Variants in PTGFRN observed in about 807,000 individuals in gnomAD.
PTGFRN encodes prostaglandin F2 receptor negative regulator.
In PTGFRN, 35 loss-of-function variants were observed where a neutral mutation model predicts 83.2. That is an observed-to-expected ratio of 0.42 (90% CI 0.32 to 0.56). The LOEUF (loss-of-function observed/expected upper bound fraction) is 0.56, where lower values mean the gene tolerates loss of function less well. Among genes scored for constraint, PTGFRN ranks in the 20% least tolerant of loss-of-function variants. The probability of loss-of-function intolerance (pLI) is 0.11; values close to 1 mark genes in which losing one functional copy is unlikely to be tolerated. For synonymous variants in PTGFRN, 519 were observed against 498.6 expected, an observed-to-expected ratio of 1.04 and a Z score of -0.55; for missense variants, 1,051 against 1,179.5, an observed-to-expected ratio of 0.89 and a Z score of 1.60.
At chr1:116,956,179 G>A (rs1003755290) in intron 4 of PTGFRN, among the ~76,000 whole-genome samples, 1 of 152,220 alleles carries the variant, frequency 6.6e-6, no homozygotes, top group Non-Finnish European at 1.5e-5. Flanking sequence ...CTAAAGTTGA[G>A]CTACAAGGCT....
At chr1:116,928,071 C>G (rs899383799) in intron 1 of PTGFRN, among the ~76,000 whole-genome samples, 1 of 152,204 alleles carries the variant, frequency 6.6e-6, no homozygotes, top group Non-Finnish European at 1.5e-5. Flanking sequence ...ACCCTTCTTA[C>G]CCCCTGTGGC....
rs1650291316 is a variant in PTGFRN, at chr1:116,949,707, C to T, written c.1213+135C>T. 3.2e-6 allele frequency: 4 copies of T among 1,265,944 alleles called. No homozygotes were observed. In the South Asian group the frequency reaches 4.8e-5, roughly 15 times the overall value. 78.4% of individuals were successfully genotyped at this position (1,265,944 alleles called of 1,614,324 possible). The stretch of plus-strand genomic sequence containing the variant: ...TTCTATTGGTTCATGCATACTTTGG[C>T]CCAGATAGATCCCAAGCTGGGGATG... On this transcript the variant is annotated intron_variant, in intron 4 of 8. Coordinates refer to ENST00000393203, the MANE Select transcript of PTGFRN (RefSeq NM_020440.4).
In PTGFRN at chr1:116,987,188, G is replaced by T; in HGVS notation, c.*221G>T. On this transcript the variant is annotated 3_prime_UTR_variant, in exon 9 of 9. Transcript: ENST00000393203. ...CACGGCACTTTCTGATGTAACAATCGAGTGTGTGTTTTCCCAACTGCAGCT... is the reference window on the plus strand; with the variant it reads ...CACGGCACTTTCTGATGTAACAATCTAGTGTGTGTTTTCCCAACTGCAGCT... 1.9e-6 allele frequency: 1 copy of T among 515,500 alleles called. No homozygotes were observed. The highest frequency in any genetic ancestry group is 1.9e-5 in the African/African-American group (1 of 52,314). The allele number at this position is 515,500 out of a possible 1,614,324, so 31.9% of individuals were successfully genotyped here. A position where few individuals can be genotyped will look rare whatever the true frequency, so the allele number is the denominator to read the frequency against.
chr1:116,947,356 C>T (rs1466742810), intron 3 of PTGFRN, among the ~76,000 whole-genome samples: 1 of 152,212 alleles, frequency 6.6e-6, no homozygotes, highest in East Asian at 1.9e-4. Flanking sequence ...AGAGAACCTG[C>T]CCCACCACAG....
intron 1 of PTGFRN, among the ~76,000 whole-genome samples, chr1:116,919,436 C>T (rs1649486773): frequency 6.6e-6 from 1 of 152,100 alleles, no homozygotes; most frequent in Non-Finnish European, 1.5e-5. Flanking sequence ...GGGTCTCTGT[C>T]ACCCAGGCTG....
At chr1:116,931,887 G>A (rs1232116425) in intron 1 of PTGFRN, among the ~76,000 whole-genome samples, 1 of 152,100 alleles carries the variant, frequency 6.6e-6, no homozygotes, top group African/African-American at 2.4e-5. Flanking sequence ...TCGGGAAGTG[G>A]GAATTAGGCA....
rs377137398 is a variant in PTGFRN, at chr1:116,984,508, A to G, written c.2168-172A>G. Among the ~76,000 whole-genome samples the G allele has an allele frequency of 6.2e-4, 95 of 152,332 alleles. 3 individuals carry two copies. In the South Asian group the frequency reaches 0.019, roughly 31 times the overall value. On this transcript the variant is annotated intron_variant, in intron 7 of 8. Transcript: ENST00000393203. ...TATATAGTCTGGCAATAATGGCAGA[A>G]TAAAAGTATGATAGTGCCTTCATCA...
At chr1:116,965,823 G>A (rs554723290) in intron 5 of PTGFRN, among the ~76,000 whole-genome samples, 11 of 152,042 alleles carry the variant, frequency 7.2e-5, no homozygotes, top group Non-Finnish European at 1.5e-4. Flanking sequence ...TTTGTTCACC[G>A]TTATGTTTCC....
At chr1:116,910,621 G>A (rs1361751347) in intron 1 of PTGFRN, among the ~76,000 whole-genome samples, 2 of 151,988 alleles carry the variant, frequency 1.3e-5, no homozygotes, top group Non-Finnish European at 2.9e-5. Flanking sequence ...TGCGGTCCCG[G>A]CCCGGGTCCT....
chr1:116,985,917 A>G (rs1226083829), intron 8 of PTGFRN, among the ~76,000 whole-genome samples: 1 of 152,200 alleles, frequency 6.6e-6, no homozygotes, highest in Non-Finnish European at 1.5e-5. Context: ...TCCTTTGTGG[A>G]AAATTTCAGA....
At chr1:116,954,930 C>T (rs1174721422) in intron 4 of PTGFRN, among the ~76,000 whole-genome samples, 2 of 151,980 alleles carry the variant, frequency 1.3e-5, no homozygotes, top group Non-Finnish European at 2.9e-5. Flanking sequence ...GATAAATGCT[C>T]GTTGTTTAGC....
At position 116,961,374 on chromosome 1, in the gene PTGFRN, T is replaced by C. The variant is rs1451160270; in HGVS notation, c.1345T>C (p.Tyr449His). 6.2e-7 allele frequency: 1 copy of C among 1,610,146 alleles called. No homozygotes were observed. Among genetic ancestry groups the C allele is most frequent in the East Asian group, 2.2e-5 (1 of 44,802 alleles). Residue 449 changes from tyrosine (Y) to histidine (H), a missense_variant, in exon 5 of 9, where the codon TAC becomes CAC. Tyr to His is a moderately conservative substitution (Grantham distance 83). Transcript: ENST00000393203. This position sits in a 1 kb window ranked among gnomAD's most constrained non-coding sequence, Gnocchi z 5.4. ...ANVRFTVSWY[Y>H]RMNRRSDNVV... Reference sequence around the variant, plus strand: ...TGTCCGATTCACGGTTTCGTGGTACTACAGGATGAACCGGCGCAGCGACAA... The same window carrying C: ...TGTCCGATTCACGGTTTCGTGGTACCACAGGATGAACCGGCGCAGCGACAA...
chr1:116,961,222 G>T lies in PTGFRN; in HGVS notation c.1214-21G>T. 4.0e-6 allele frequency: 6 copies of T among 1,497,526 alleles called. No homozygotes were observed. The highest frequency in any genetic ancestry group is 5.3e-6 in the Non-Finnish European group (6 of 1,123,876). 92.8% of individuals were successfully genotyped at this position (1,497,526 alleles called of 1,614,324 possible). On this transcript the variant is annotated intron_variant, in intron 4 of 8. Coordinates refer to ENST00000393203, the MANE Select transcript of PTGFRN (RefSeq NM_020440.4). The surrounding 1 kb of genome is among the most constrained non-coding windows in gnomAD (Gnocchi z 5.4). ...TTACTCTAATTATTTTCCTATCCTG[G>T]CCTTTCTGTCTCTCGTTCAGAACCA...
At chr1:116,938,958 G>T (rs1649987963) in intron 1 of PTGFRN, among the ~76,000 whole-genome samples, 2 of 152,224 alleles carry the variant, frequency 1.3e-5, no homozygotes, top group African/African-American at 4.8e-5. Context: ...TAAAGCTCCA[G>T]AATGATCTCC....
rs755308838 is a variant in PTGFRN at position 116,967,033 on chromosome 1, A to G, written c.1762A>G (p.Met588Val). ...IKSPRYSVLI[M>V]AEKPVGDLSS... ...GTCGCCACGCTACTCTGTTCTCATC[A>G]TGGCTGAGAAGCCTGTCGGCGACCT... Residue 588 changes from methionine to valine, a missense_variant, in exon 6 of 9, where the codon ATG becomes GTG. Physicochemically the swap from Met to Val is conservative, Grantham distance 21. Coordinates refer to ENST00000393203, the MANE Select transcript of PTGFRN (RefSeq NM_020440.4). 4 of 1,614,206 alleles carry G rather than the reference A, an allele frequency of 2.5e-6. No individual in the cohort carries two copies. The highest frequency in any genetic ancestry group is 3.4e-6 in the Non-Finnish European group (4 of 1,180,040).
At chr1:116,974,972 T>G (rs1314960841) in intron 7 of PTGFRN, among the ~76,000 whole-genome samples, 1 of 152,146 alleles carries the variant, frequency 6.6e-6, no homozygotes, top group Non-Finnish European at 1.5e-5. Context: ...TTCCCTTTCC[T>G]AGCCAAGGGA....
intron 1 of PTGFRN, among the ~76,000 whole-genome samples, chr1:116,910,736 G>A (rs1649248787): frequency 6.6e-6 from 1 of 152,152 alleles, no homozygotes; most frequent in African/African-American, 2.4e-5. Flanking sequence ...CCAGGGAAGC[G>A]AGAGAATCCT....
intron 1 of PTGFRN, among the ~76,000 whole-genome samples, chr1:116,919,585 C>G (rs1262811951): frequency 6.6e-6 from 1 of 152,066 alleles, no homozygotes; most frequent in Non-Finnish European, 1.5e-5. Context: ...CTTCATAGCC[C>G]CATGAGAGTA....
At position 116,949,218 on chromosome 1, in the gene PTGFRN, G is replaced by A. The variant is rs756551810; in HGVS notation, c.859G>A (p.Val287Met). The A allele has an allele frequency of 3.1e-5, 50 of 1,597,956 alleles. No individual in the cohort carries two copies. Among genetic ancestry groups the A allele is most frequent in the Non-Finnish European group, 4.3e-5 (50 of 1,169,090 alleles). The change falls in exon 4 of 9, where the codon GTG becomes ATG. Residue 287 changes from valine to methionine, a missense_variant. Transcript: ENST00000393203. ...TCTGCGAGCAGCTGTGCCCAAGAAT[G>A]TGTCTGTGGCTGAAGGAAAGGAACT... ...SVLRAAVPKN[V>M]SVAEGKELDL...
Sources: allele counts gnomAD v4.1 joint callset (sites outside exome capture counted in the v4.1 genomes callset), GRCh38; gene constraint gnomAD v4.1.1; non-coding constraint Gnocchi (gnomAD v3.1); transcripts MANE v1.5; gene names NCBI Gene and HGNC (gene_info 2026-07-23, HGNC 2026-07-21).